The following GPATCH8 variants were observed in gnomAD, a reference collection of about 807,000 sequenced individuals.
The protein encoded by GPATCH8 is G-patch domain containing 8.
Under a neutral mutation model 118.3 loss-of-function variants are expected in GPATCH8, and 18 were observed. The ratio of observed to expected loss-of-function variants is 0.15; its 90% confidence interval spans 0.11 to 0.23. The LOEUF (loss-of-function observed/expected upper bound fraction) is 0.23. Among genes scored for constraint, GPATCH8 ranks in the 10% least tolerant of loss-of-function variants. The pLI, the probability that GPATCH8 is intolerant of heterozygous loss-of-function variation, is 1.00. For missense variants in GPATCH8, 1,631 were observed against 1,873.8 expected (o/e 0.87, Z 2.39); for synonymous variants, 659 against 684.7 (o/e 0.96, Z 0.59).
rs2048785129 is a variant in GPATCH8 at position 44,396,517 on chromosome 17, T to C, written c.*1051A>G. ...TTCATAACTTCAAAAAATACATAAG[T>C]TTGGTAAAATATACATGCTTAGTCA... On this transcript the variant is annotated 3_prime_UTR_variant, in exon 8 of 8. Transcript: ENST00000591680. 1 of 452,378 alleles carries C rather than the reference T, an allele frequency of 2.2e-6. No homozygotes were observed. Among genetic ancestry groups the C allele is most frequent in the African/African-American group, 2.0e-5 (1 of 49,870 alleles). 28.0% of individuals were successfully genotyped at this position (452,378 alleles called of 1,614,324 possible).
At position 44,401,133 on chromosome 17, in the gene GPATCH8, A is replaced by G. The variant is rs761703483; in HGVS notation, c.944T>C (p.Ile315Thr). 1.2e-6 allele frequency: 2 copies of G among 1,614,050 alleles called. No individual in the cohort carries two copies. Among genetic ancestry groups the G allele is most frequent in the Non-Finnish European group, 1.7e-6 (2 of 1,179,960 alleles). Residue 315 changes from isoleucine (I) to threonine (T), a missense_variant, in exon 8 of 8, where the codon ATA (isoleucine) becomes ACA (threonine). Around this residue, in one of 8 missense-constraint regions of GPATCH8, gnomAD observed 405 missense variants for 462.7 expected, o/e 0.88. Coordinates refer to ENST00000591680, the MANE Select transcript of GPATCH8 (RefSeq NM_001002909.4). Reference protein sequence around the residue: ...AKKAPVKLESIASVFKDHAEE... With the variant: ...AKKAPVKLESTASVFKDHAEE... Reference sequence around the variant, plus strand: ...CGCATGGTCCTTGAAAACTGATGCTATTGATTCGAGTTTGACAGGAGCCTT... The same window carrying G: ...CGCATGGTCCTTGAAAACTGATGCTGTTGATTCGAGTTTGACAGGAGCCTT...
intron 3 of GPATCH8, among the ~76,000 whole-genome samples, chr17:44,456,969 T>C (rs1488514977): frequency 6.6e-6 from 1 of 152,080 alleles, no homozygotes; most frequent in African/African-American, 2.4e-5. Context: ...TTCAAGTGAT[T>C]CTCCTGTCTC....
At chr17:44,414,079 A>ATATATGTG (rs908415895) in intron 6 of GPATCH8, among the ~76,000 whole-genome samples, 112 of 129,876 alleles carry the variant, frequency 8.6e-4, no homozygotes, top group Middle Eastern at 4.3e-3. Flanking sequence ...ATATATATAT[A>ATATATGTG]TGTGTGTGTA....
At chr17:44,406,641 TG>T (rs2049244584) in intron 6 of GPATCH8, among the ~76,000 whole-genome samples, 1 of 152,052 alleles carries the variant, frequency 6.6e-6, no homozygotes, top group Non-Finnish European at 1.5e-5. Flanking sequence ...AGCGCTAGCA[TG>T]TTTAGAGCTC....
At chr17:44,453,500 G>GTGTGTGTGTGTGTGTGTGTGTGTGT (rs1568011427) in intron 3 of GPATCH8, among the ~76,000 whole-genome samples, 66 of 142,766 alleles carry the variant, frequency 4.6e-4, no homozygotes, top group Admixed American at 9.7e-4. Context: ...GGTAGGTAGG[G>GTGTGTGTGTGTGTGTGTGTGTGTGT]GTGTGTGTGT....
Position 44,433,528 on chromosome 17 carries a change from G to A in GPATCH8, c.348+1537C>T, listed in dbSNP as rs146959348. Reference sequence around the variant, plus strand: ...GGTTGTTGCAAGAGAATAAGGCAGAGTGGTTAATTATTTAAATGAGTTGAT... The same window carrying A: ...GGTTGTTGCAAGAGAATAAGGCAGAATGGTTAATTATTTAAATGAGTTGAT... On this transcript the variant is annotated intron_variant, in intron 5 of 7. Coordinates refer to ENST00000591680, the MANE Select transcript of GPATCH8 (RefSeq NM_001002909.4). Among the ~76,000 whole-genome samples the A allele has an allele frequency of 2.6e-4, 40 of 152,328 alleles. No individual in the cohort carries two copies. The East Asian group carries it at 6.7e-3, about 26-fold the overall frequency.
intron 6 of GPATCH8, among the ~76,000 whole-genome samples, chr17:44,410,228 C>T (rs930223774): frequency 4.6e-5 from 7 of 152,220 alleles, no homozygotes; most frequent in South Asian, 2.1e-4. Context: ...GGAATACCCA[C>T]GTGAAATTCT....
In GPATCH8 at chr17:44,424,453, C is replaced by T; in HGVS notation, c.388G>A (p.Glu130Lys). The change falls in exon 6 of 8, where the codon GAA becomes AAA. Residue 130 changes from glutamate (E) to lysine (K), a missense_variant. Glu to Lys is a moderately conservative substitution (Grantham distance 56). Transcript: ENST00000591680. ...CAATAAAAGTTGGCTCTGAGGTCTT[C>T]CAAGGCTTTGGCAATTGCCTTCTCT... is the stretch of plus-strand genomic sequence containing the variant. ...DKEKAIAKALEDLRANFYCEL... is the reference protein window; with the variant it reads ...DKEKAIAKALKDLRANFYCEL... 1 of 1,607,168 alleles carries T rather than the reference C, an allele frequency of 6.2e-7. No homozygotes were observed. Among genetic ancestry groups the T allele is most frequent in the South Asian group, 1.1e-5 (1 of 90,948 alleles).
intron 3 of GPATCH8, among the ~76,000 whole-genome samples, chr17:44,452,923 G>A (rs2051170477): frequency 1.3e-5 from 2 of 151,860 alleles, no homozygotes; most frequent in East Asian, 3.9e-4. Context: ...GACCTTCTGG[G>A]CTCATGCGAT....
intron 5 of GPATCH8, among the ~76,000 whole-genome samples, chr17:44,433,106 G>A (rs919121459): frequency 1.3e-5 from 2 of 151,900 alleles, no homozygotes; most frequent in Non-Finnish European, 2.9e-5. Context: ...AAGCACAGCC[G>A]TGATCCACCG....
chr17:44,414,036 A>T (rs1447295511), intron 6 of GPATCH8, among the ~76,000 whole-genome samples: 1 of 149,640 alleles, frequency 6.7e-6, no homozygotes, highest in Non-Finnish European at 1.5e-5. Flanking sequence ...CTTTAACAGC[A>T]CCAAGTATGC....
rs1336055463 is a variant in GPATCH8 at position 44,397,430 on chromosome 17, G to A, written c.*138C>T. On this transcript the variant is annotated 3_prime_UTR_variant, in exon 8 of 8. Transcript: ENST00000591680. ...AAACTTCAAATCTAAACCCACCCCT[G>A]CAAGCCAAAACTCAATTCTTTGGCT... 1.4e-6 allele frequency: 1 copy of A among 724,206 alleles called. No homozygotes were observed. Among genetic ancestry groups the A allele is most frequent in the Non-Finnish European group, 2.5e-6 (1 of 399,328 alleles). The allele number at this position is 724,206 out of a possible 1,614,324, so 44.9% of individuals were successfully genotyped here. A position where few individuals can be genotyped will look rare whatever the true frequency, so the allele number is the denominator to read the frequency against.
At chr17:44,427,910 A>C (rs1434548502) in intron 5 of GPATCH8, among the ~76,000 whole-genome samples, 2 of 152,128 alleles carry the variant, frequency 1.3e-5, no homozygotes, top group Non-Finnish European at 2.9e-5. Context: ...AATATAATCC[A>C]TCCTATATCC....
At chr17:44,448,391 C>G (rs2050966727) in intron 3 of GPATCH8, among the ~76,000 whole-genome samples, 1 of 145,272 alleles carries the variant, frequency 6.9e-6, no homozygotes, top group African/African-American at 2.6e-5. Flanking sequence ...GACCCTGTCT[C>G]TATGAAAAAA....
At chr17:44,440,964 C>T (rs1314562038) in intron 3 of GPATCH8, among the ~76,000 whole-genome samples, 1 of 152,168 alleles carries the variant, frequency 6.6e-6, no homozygotes, top group Non-Finnish European at 1.5e-5. Context: ...AATTGTCCTG[C>T]CTCAGCCTCC....
In GPATCH8 at chr17:44,405,905, T is replaced by C. The variant is rs1269397848; in HGVS notation, c.623+16A>G. The C allele has an allele frequency of 6.3e-7, 1 of 1,577,182 alleles. No individual in the cohort carries two copies. The highest frequency in any genetic ancestry group is 1.7e-5 in the Admixed American group (1 of 59,984). ...TATAATTATCTGTACAACCCTCTGA[T>C]AAAAAATATCCTCACCATTCAGCTT... On this transcript the variant is annotated intron_variant, in intron 7 of 7. Coordinates refer to ENST00000591680, the MANE Select transcript of GPATCH8 (RefSeq NM_001002909.4).
intron 1 of GPATCH8, among the ~76,000 whole-genome samples, chr17:44,491,682 T>C (rs1266725466): frequency 2.0e-5 from 3 of 151,866 alleles, no homozygotes; most frequent in Admixed American, 2.0e-4. Context: ...ACTCCATCCC[T>C]ACAAAAAATA....
intron 1 of GPATCH8, among the ~76,000 whole-genome samples, chr17:44,493,054 GTT>G (rs398039127): frequency 8.8e-5 from 11 of 124,370 alleles, no homozygotes; most frequent in Admixed American, 3.6e-4. Flanking sequence ...AAGCCATTAG[GTT>G]TTTTTTTTTT....
intron 5 of GPATCH8, among the ~76,000 whole-genome samples, chr17:44,429,649 AACACACACACACACACAC>A (rs144232073): frequency 4.5e-4 from 57 of 125,614 alleles, no homozygotes; most frequent in Admixed American, 2.6e-4. Flanking sequence ...GTCTCTACTA[AACACACACACACACACAC>A]ACACACACAC....
Sources: allele counts gnomAD v4.1 joint callset (sites outside exome capture counted in the v4.1 genomes callset), GRCh38; gene constraint gnomAD v4.1.1; regional missense constraint gnomAD v4.1.1; transcripts MANE v1.5; gene names NCBI Gene and HGNC (gene_info 2026-07-23, HGNC 2026-07-21).